FMN1: variants seen among roughly 807,000 people sequenced by gnomAD.
FMN1 encodes formin-1.
In FMN1, 110 loss-of-function variants were observed where a neutral mutation model predicts 132.4. The ratio of observed to expected loss-of-function variants is 0.83; its 90% CI spans 0.71 to 0.97. FMN1 has a LOEUF of 0.97. Ranked by LOEUF, FMN1 falls within the 50% of genes least tolerant of loss-of-function variation. The pLI, the probability that FMN1 is intolerant of heterozygous loss-of-function variation, is 0.00. For synonymous variants in FMN1, 722 were observed against 651.7 expected (o/e 1.11, Z -1.64); for missense variants, 1,792 against 1,705.3 (o/e 1.05, Z -0.90).
intron 5 of FMN1, among the ~76,000 whole-genome samples, chr15:33,088,547 C>T (rs1221231971): frequency 1.3e-5 from 2 of 152,188 alleles, no homozygotes; most frequent in South Asian, 4.1e-4. Flanking sequence ...AGCTAATGAA[C>T]AGAGCGCTCT....
At chr15:32,815,048 T>C (rs897059717) in intron 17 of FMN1, among the ~76,000 whole-genome samples, 1 of 152,160 alleles carries the variant, frequency 6.6e-6, no homozygotes, top group Non-Finnish European at 1.5e-5. Context: ...GTTCATCCCA[T>C]TCTCCCGCCT....
intron 6 of FMN1, among the ~76,000 whole-genome samples, chr15:33,047,753 C>G (rs901510724): frequency 6.6e-5 from 10 of 152,122 alleles, no homozygotes; most frequent in Admixed American, 3.9e-4. Flanking sequence ...AGATGGGACC[C>G]TTAATTTCTG....
chr15:32,794,870 G>A (rs1001079388), intron 19 of FMN1, among the ~76,000 whole-genome samples: 32 of 152,164 alleles, frequency 2.1e-4, no homozygotes, highest in African/African-American at 7.2e-4. Flanking sequence ...AACGTTTTGT[G>A]TACATGCTCC....
At chr15:33,119,397 C>CA (rs1962337403) in intron 4 of FMN1, among the ~76,000 whole-genome samples, 1 of 152,184 alleles carries the variant, frequency 6.6e-6, no homozygotes, top group African/African-American at 2.4e-5. Flanking sequence ...ATTCTCAGGA[C>CA]AGCCTGGGAG....
chr15:33,082,300 C>G (rs1021222159), intron 5 of FMN1, among the ~76,000 whole-genome samples: 2 of 151,918 alleles, frequency 1.3e-5, no homozygotes, highest in Non-Finnish European at 2.9e-5. Context: ...CTCCAACTCC[C>G]GACCTCAGGT....
intron 7 of FMN1, among the ~76,000 whole-genome samples, chr15:32,993,584 T>A (rs2033575010): frequency 6.6e-6 from 1 of 151,968 alleles, no homozygotes; most frequent in Non-Finnish European, 1.5e-5. Flanking sequence ...CTCAAAAGGG[T>A]AGTGTGTTGT....
intron 5 of FMN1, among the ~76,000 whole-genome samples, chr15:33,080,394 CTTT>C (rs1394564762): frequency 6.6e-6 from 1 of 152,030 alleles, no homozygotes; most frequent in Admixed American, 6.5e-5. Flanking sequence ...TTTTCTTTTT[CTTT>C]GTGTTAACCA....
chr15:33,020,141 G>C (rs558596924), intron 6 of FMN1, among the ~76,000 whole-genome samples: 39 of 152,344 alleles, frequency 2.6e-4, no homozygotes, highest in African/African-American at 9.4e-4. Context: ...CTTGAAGTTG[G>C]TCAGTCAGAA....
At chr15:32,860,519 G>A (rs1182950573) in intron 16 of FMN1, among the ~76,000 whole-genome samples, 1 of 152,050 alleles carries the variant, frequency 6.6e-6, no homozygotes, top group Non-Finnish European at 1.5e-5. Context: ...TGGGCATGGG[G>A]GTGTGCACCT....
chr15:32,887,605 A>G (rs2059925785), intron 16 of FMN1, among the ~76,000 whole-genome samples: 1 of 152,204 alleles, frequency 6.6e-6, no homozygotes, highest in South Asian at 2.1e-4. Context: ...ATACAGGAAC[A>G]TGTGTGTATG....
chr15:33,103,677 A>T (rs886391381), intron 4 of FMN1, among the ~76,000 whole-genome samples: 16 of 152,052 alleles, frequency 1.1e-4, no homozygotes, highest in African/African-American at 3.6e-4. Flanking sequence ...ACCCTAATCC[A>T]CCAAAATGAG....
intron 5 of FMN1, among the ~76,000 whole-genome samples, chr15:33,080,883 G>A (rs2038427369): frequency 6.9e-6 from 1 of 145,134 alleles, no homozygotes; most frequent in African/African-American, 2.7e-5. Context: ...GCAAAACTCC[G>A]TCTCAAAAAA....
At chr15:32,882,435 G>T (rs930059095) in intron 16 of FMN1, among the ~76,000 whole-genome samples, 1 of 152,178 alleles carries the variant, frequency 6.6e-6, no homozygotes, top group Non-Finnish European at 1.5e-5. Context: ...TAAATGGTAA[G>T]TGTTGTCATT....
At chr15:32,913,732 G>T (rs1237801537) in intron 10 of FMN1, among the ~76,000 whole-genome samples, 1 of 152,158 alleles carries the variant, frequency 6.6e-6, no homozygotes, top group African/African-American at 2.4e-5. Context: ...CCTTCTCCCA[G>T]TAGACTGTGA....
Position 32,968,751 on chromosome 15 carries a change from G to T in FMN1, c.2950C>A (p.Pro984Thr). The T allele has an allele frequency of 3.1e-6, 5 of 1,613,324 alleles. No homozygotes were observed. Among genetic ancestry groups the T allele is most frequent in the African/African-American group, 1.3e-5 (1 of 74,796 alleles). Reference sequence around the variant, plus strand: ...ATTTGTATCCTAGTCCAATATAAAGGCTTCATGGGACAACTGGGCTCGATG... The same window carrying T: ...ATTTGTATCCTAGTCCAATATAAAGTCTTCATGGGACAACTGGGCTCGATG... ...PAIEPSCPMK[P>T]LYWTRIQISD... Residue 984 changes from proline (P) to threonine (T), a missense_variant, in exon 8 of 21, where the codon CCT (proline) becomes ACT (threonine). Physicochemically the swap from Pro to Thr is conservative, Grantham distance 38 (BLOSUM62 -1). Around this residue, in one of 3 missense-constraint regions of FMN1, gnomAD observed 1,150 missense variants for 1,043.1 expected, o/e 1.10. Coordinates refer to ENST00000616417, the MANE Select transcript of FMN1 (RefSeq NM_001277313.2).
At position 32,932,541 on chromosome 15, in the gene FMN1, C is replaced by T. The variant is rs56398811; in HGVS notation, c.3139-6280G>A. Among the ~76,000 whole-genome samples the T allele has an allele frequency of 1.1e-3, 166 of 152,262 alleles. 1 individual carries two copies. The highest frequency in any genetic ancestry group is 2.2e-3 in the Non-Finnish European group (147 of 68,024). On this transcript the variant is annotated intron_variant, in intron 9 of 20. Transcript: ENST00000616417. Reference sequence around the variant, plus strand: ...AATGAATTTGGAAGGGTGACCTCTTCAATTTTTTGGAAGAGTTTGAGAAGC... The same window carrying T: ...AATGAATTTGGAAGGGTGACCTCTTTAATTTTTTGGAAGAGTTTGAGAAGC...
intron 6 of FMN1, among the ~76,000 whole-genome samples, chr15:33,037,374 G>T (rs558934521): frequency 6.6e-6 from 1 of 152,244 alleles, no homozygotes; most frequent in African/African-American, 2.4e-5. Context: ...TAAGGTGAGA[G>T]ATTTGGGGAA....
In FMN1 at chr15:33,082,093, A is replaced by ATGTGTGTGTGTGTG. The variant is rs61138142; in HGVS notation, c.2043+6692_2043+6705dup. Among the ~76,000 whole-genome samples, 127 of 120,390 alleles carry ATGTGTGTGTGTGTG rather than the reference A, an allele frequency of 1.1e-3. 1 individual carries two copies. Among genetic ancestry groups the ATGTGTGTGTGTGTG allele is most frequent in the African/African-American group, 3.1e-3 (89 of 28,556 alleles). 79.0% of individuals were successfully genotyped at this position (120,390 alleles called of 152,430 possible). On this transcript the variant is annotated intron_variant, in intron 5 of 20. Transcript: ENST00000616417. The stretch of plus-strand genomic sequence containing the variant: ...GCTTTGTCACCCAGGCTGGAAAACA[A>ATGTGTGTGTGTGTG]TGTGTGTGTGTGTGTGTGTGTGTGT...
intron 4 of FMN1, among the ~76,000 whole-genome samples, chr15:33,138,945 C>A (rs983376890): frequency 8.3e-6 from 1 of 120,886 alleles, no homozygotes; most frequent in Non-Finnish European, 1.9e-5. Flanking sequence ...TGAGTAGGTT[C>A]GTCTAATCTC....
Sources: gnomAD v4.1 joint callset for allele counts (sites outside exome capture counted in the v4.1 genomes callset) on GRCh38, gnomAD v4.1.1 for gene constraint, gnomAD v4.1.1 regional missense constraint, MANE v1.5 for transcripts, NCBI Gene and HGNC (gene_info 2026-07-23, HGNC 2026-07-21) for gene names.